SORCS3: variants seen among roughly 807,000 people sequenced by gnomAD.
The protein encoded by SORCS3 is sortilin related VPS10 domain containing receptor 3.
SORCS3 carries 57 observed loss-of-function variants against 146.3 expected under a neutral mutation model. The ratio of observed to expected loss-of-function variants is 0.39; its 90% confidence interval spans 0.31 to 0.49. The LOEUF is 0.49. SORCS3 is among the 20% of genes least tolerant of loss of function. The pLI is 0.92. For missense variants in SORCS3, 1,341 were observed against 1,575.5 expected (o/e 0.85, Z 2.52); for synonymous variants, 653 against 618.5 (o/e 1.06, Z -0.83).
intron 6 of SORCS3, among the ~76,000 whole-genome samples, chr10:105,099,850 T>G (rs1421741833): frequency 6.6e-6 from 1 of 152,188 alleles, no homozygotes; most frequent in Non-Finnish European, 1.5e-5. Context: ...GCATATTCAT[T>G]TGTGAACATC....
At chr10:105,228,743 T>C (rs941769271) in intron 20 of SORCS3, among the ~76,000 whole-genome samples, 7 of 152,156 alleles carry the variant, frequency 4.6e-5, no homozygotes, top group African/African-American at 1.7e-4. Flanking sequence ...CATTTATAAG[T>C]CACTAGATGT....
chr10:104,761,160 T>C (rs1264533860), intron 1 of SORCS3, among the ~76,000 whole-genome samples: 1 of 152,156 alleles, frequency 6.6e-6, no homozygotes, highest in African/African-American at 2.4e-5. Flanking sequence ...TCCTGTGACC[T>C]CCCAATCAGA....
At chr10:105,035,086 C>A (rs1226519396) in intron 4 of SORCS3, among the ~76,000 whole-genome samples, 1 of 152,162 alleles carries the variant, frequency 6.6e-6, no homozygotes, top group East Asian at 1.9e-4. Flanking sequence ...TTGTCACTGG[C>A]CCTATCCTCC....
chr10:104,696,682 A>ATATACGT (rs2016216477), intron 1 of SORCS3, among the ~76,000 whole-genome samples: 1 of 11,646 alleles, frequency 8.6e-5, no homozygotes, highest in African/African-American at 3.1e-4. Context: ...TAACATATAT[A>ATATACGT]ATATATAATA....
rs1564675429 is a variant in SORCS3, at chr10:104,751,951, ATATATATATATATAT to A, written c.628-90840_628-90826del. Reference sequence around the variant, plus strand: ...TATATATATATATATATATATATATATATATATATATATATATAATAGTTTAGCAGCAGGAATGAG... The same window carrying A: ...TATATATATATATATATATATATATAATAATAGTTTAGCAGCAGGAATGAG... On this transcript the variant is annotated intron_variant, in intron 1 of 26. Transcript: ENST00000369701. 4.2e-4 allele frequency among the ~76,000 whole-genome samples: 49 copies of A among 116,742 alleles called. 2 individuals carry two copies. Among genetic ancestry groups the A allele is most frequent in the African/African-American group, 1.9e-3 (49 of 26,318 alleles). The allele number at this position is 116,742 out of a possible 152,430, so 76.6% of individuals were successfully genotyped here.
At position 105,105,408 on chromosome 10, in the gene SORCS3, C is replaced by G; in HGVS notation, c.1105C>G (p.Leu369Val). The part of the protein sequence containing the change: ...VRTTDGYAHY[L>V]TCRIQECAET... ...CCCTCCTGTTTCAGATGCTCACTAC[C>G]TCACCTGCAGGATCCAGGAATGTGC... Residue 369 changes from leucine to valine, a missense_variant, in exon 7 of 27, where the codon CTC becomes GTC. Leu to Val is a conservative substitution (Grantham distance 32). Transcript: ENST00000369701. The G allele has an allele frequency of 1.2e-6, 2 of 1,612,990 alleles. No individual in the cohort carries two copies. Among genetic ancestry groups the G allele is most frequent in the Non-Finnish European group, 1.7e-6 (2 of 1,179,126 alleles).
chr10:104,733,850 T>C (rs1416626568), intron 1 of SORCS3, among the ~76,000 whole-genome samples: 1 of 152,174 alleles, frequency 6.6e-6, no homozygotes, highest in African/African-American at 2.4e-5. Context: ...AGCCAATTTA[T>C]ATAAGGCTGT....
At chr10:105,159,185 C>T (rs537859432) in intron 11 of SORCS3, among the ~76,000 whole-genome samples, 191 bp downstream of exon 11, 2 of 152,254 alleles carry the variant, frequency 1.3e-5, no homozygotes, top group Admixed American at 6.5e-5. Context: ...TTTGTAATTC[C>T]TAGGCTCATG....
chr10:105,012,754 G>A (rs2055142707), intron 4 of SORCS3, among the ~76,000 whole-genome samples: 1 of 152,078 alleles, frequency 6.6e-6, no homozygotes, highest in Admixed American at 6.6e-5. Context: ...GATGCCTAGT[G>A]GACACTATGA....
Position 104,957,157 on chromosome 10 carries a change from G to T in SORCS3, c.796-20178G>T, listed in dbSNP as rs114617184. Among the ~76,000 whole-genome samples the T allele has an allele frequency of 9.3e-3, 1,412 of 152,198 alleles. 25 individuals carry two copies. The highest frequency in any genetic ancestry group is 0.032 in the African/African-American group (1,329 of 41,516). On this transcript the variant is annotated intron_variant, in intron 3 of 26. Transcript: ENST00000369701. ...TTTCTAAAACCCTAGCTCAAAATGG[G>T]CTGAGTGCGGGAAGTGAAGAAAGCA...
intron 3 of SORCS3, among the ~76,000 whole-genome samples, chr10:104,928,307 T>C (rs2019170958): frequency 6.6e-6 from 1 of 152,158 alleles, no homozygotes. Context: ...AGCATCCCAC[T>C]CTGTCCTCTC....
chr10:104,915,200 C>T (rs961580244), intron 2 of SORCS3, among the ~76,000 whole-genome samples: 4 of 152,062 alleles, frequency 2.6e-5, no homozygotes, highest in African/African-American at 9.7e-5. Flanking sequence ...AGTGATGAAC[C>T]CCTCCTCTGT....
chr10:104,831,920 T>C (rs941777711), intron 1 of SORCS3, among the ~76,000 whole-genome samples: 1 of 152,180 alleles, frequency 6.6e-6, no homozygotes, highest in Non-Finnish European at 1.5e-5. Context: ...TTCTGAGCCT[T>C]CTCTCATCTC....
intron 1 of SORCS3, among the ~76,000 whole-genome samples, chr10:104,828,371 GGAGA>G (rs2017961543): frequency 6.6e-6 from 1 of 152,146 alleles, no homozygotes; most frequent in Non-Finnish European, 1.5e-5. Flanking sequence ...CTGAGGAGAA[GGAGA>G]GAGATGGGGA....
rs1235123117 is a variant in SORCS3, at chr10:104,977,416, C to G, written c.877C>G (p.Leu293Val). Reference sequence around the variant, plus strand: ...AGGGGCGACCTATCAGAAGTATCGGCTCACCTTCTATATCCAGAGCCTGCT... The same window carrying G: ...AGGGGCGACCTATCAGAAGTATCGGGTCACCTTCTATATCCAGAGCCTGCT... ...DEGATYQKYR[L>V]TFYIQSLLFH... is the part of the protein sequence containing the mutation. Residue 293 changes from leucine (L) to valine (V), a missense_variant, in exon 4 of 27, where the codon CTC (leucine) becomes GTC (valine). Physicochemically the swap from Leu to Val is conservative, Grantham distance 32. Coordinates refer to ENST00000369701, the MANE Select transcript of SORCS3 (RefSeq NM_014978.3). The G allele has an allele frequency of 6.2e-7, 1 of 1,613,756 alleles. No individual in the cohort carries two copies. The highest frequency in any genetic ancestry group is 8.5e-7 in the Non-Finnish European group (1 of 1,179,912).
intron 1 of SORCS3, among the ~76,000 whole-genome samples, chr10:104,755,869 T>A (rs2017044784): frequency 6.6e-6 from 1 of 152,174 alleles, no homozygotes; most frequent in South Asian, 2.1e-4. Flanking sequence ...CTCCATTAGA[T>A]TGAAAGTCCT....
At chr10:105,087,570 C>G (rs1350770190) in intron 5 of SORCS3, among the ~76,000 whole-genome samples, 1 of 151,752 alleles carries the variant, frequency 6.6e-6, no homozygotes, top group Non-Finnish European at 1.5e-5. Flanking sequence ...ACCCTCAGTC[C>G]TCTGCGTGTC....
chr10:104,866,691 C>A (rs966922622), intron 2 of SORCS3, among the ~76,000 whole-genome samples: 2 of 152,158 alleles, frequency 1.3e-5, no homozygotes, highest in African/African-American at 4.8e-5. Context: ...ATTTGTAAAT[C>A]ATTCATTCAT....
At chr10:105,255,029 A>G (rs2056922225) in intron 23 of SORCS3, among the ~76,000 whole-genome samples, 1 of 151,756 alleles carries the variant, frequency 6.6e-6, no homozygotes, top group Admixed American at 6.6e-5. Context: ...TCTACTAAAA[A>G]TACAAAAAAT....
Sources: allele counts gnomAD v4.1 joint callset (sites outside exome capture counted in the v4.1 genomes callset), GRCh38; gene constraint gnomAD v4.1.1; transcripts MANE v1.5; gene names NCBI Gene and HGNC (gene_info 2026-07-23, HGNC 2026-07-21).